The following GABRD variants were observed in gnomAD, a reference collection of about 807,000 sequenced individuals.
GABRD encodes the protein gamma-aminobutyric acid type A receptor subunit delta.
In GABRD, 25 loss-of-function variants were observed where a neutral mutation model predicts 47.3. The observed-to-expected ratio is 0.53, with a 90% CI of 0.39 to 0.74. The LOEUF (loss-of-function observed/expected upper bound fraction) is 0.74, where lower values mean the gene tolerates loss of function less well. Among genes scored for constraint, GABRD ranks in the 30% least tolerant of loss-of-function variants. GABRD has a pLI of 0.00. For missense variants in GABRD, 497 were observed against 643.4 expected (o/e 0.77, Z 2.46); for synonymous variants, 314 against 278.8 (o/e 1.13, Z -1.26).
At chr1:2,029,392 C>A in intron 7 of GABRD, 126 bp downstream of exon 7, 1 of 1,418,960 alleles carries the variant, frequency 7.0e-7, no homozygotes, top group South Asian at 1.3e-5. Context: ...GGGCAGTGGC[C>A]AGCCGGGCCA....
At chr1:2,020,184 C>T (rs1658736460) in intron 1 of GABRD, among the ~76,000 whole-genome samples, 1 of 152,338 alleles carries the variant, frequency 6.6e-6, no homozygotes, top group African/African-American at 2.4e-5. Flanking sequence ...GGGGCTGGAG[C>T]CCCCTCTGGC....
intron 2 of GABRD, 35 bp from the exon 3 acceptor site, chr1:2,025,299 C>T (rs758902650): frequency 6.2e-7 from 1 of 1,611,904 alleles, no homozygotes; most frequent in Admixed American, 1.7e-5. Context: ...GCTGGGCCGG[C>T]CTCAGTCCTT....
intron 4 of GABRD, 61 bp downstream of exon 4, chr1:2,025,799 T>G (rs1658908170): frequency 6.7e-7 from 1 of 1,484,176 alleles, no homozygotes; most frequent in Non-Finnish European, 9.3e-7. Flanking sequence ...CGTCGGCGCC[T>G]GGACGCTCCA....
intron 4 of GABRD, among the ~76,000 whole-genome samples, chr1:2,026,303 G>T (rs115780100): frequency 6.6e-6 from 1 of 152,174 alleles, no homozygotes; most frequent in Non-Finnish European, 1.5e-5. Flanking sequence ...CGTCCTCACG[G>T]TTCATCCCAG....
chr1:2,019,624 C>T (rs1658719670), intron 1 of GABRD, 133 bp downstream of exon 1: 1 of 410,860 alleles, frequency 2.4e-6, no homozygotes, highest in Non-Finnish European at 3.4e-6. Flanking sequence ...CCCGCGTCCT[C>T]CCTCCCCGGG....
rs548900032 is a variant in GABRD, at chr1:2,028,345, C to T, written c.691+53C>T. The T allele has an allele frequency of 4.8e-4, 717 of 1,504,974 alleles. 6 individuals carry two copies. In the African/African-American group the frequency reaches 8.6e-3, roughly 18 times the overall value. 93.2% of individuals were successfully genotyped at this position (1,504,974 alleles called of 1,614,324 possible). On this transcript the variant is annotated intron_variant, in intron 6 of 8. Transcript: ENST00000378585. This position sits in a 1 kb window ranked among gnomAD's most constrained non-coding sequence, Gnocchi z 6.4. Reference sequence around the variant, plus strand: ...ATGTGCCCGCCGCCCCTTCCGCGCGCGCCCACCGCCCCTTCCGCGCGCGCC... The same window carrying T: ...ATGTGCCCGCCGCCCCTTCCGCGCGTGCCCACCGCCCCTTCCGCGCGCGCC...
intron 4 of GABRD, among the ~76,000 whole-genome samples, chr1:2,026,278 C>T (rs758595352): frequency 2.6e-5 from 4 of 152,192 alleles, no homozygotes; most frequent in Non-Finnish European, 5.9e-5. Flanking sequence ...ACTCCGGCTT[C>T]GTTACTCAGC....
At position 2,027,449 on chromosome 1, in the gene GABRD, A is replaced by G. The variant is rs914911532; in HGVS notation, c.471-128A>G. 2.6e-5 allele frequency: 20 copies of G among 756,794 alleles called. No individual in the cohort carries two copies. The African/African-American group carries it at 3.4e-4, about 13-fold the overall frequency. The allele number at this position is 756,794 out of a possible 1,614,324, so 46.9% of individuals were successfully genotyped here. A position where few individuals can be genotyped will look rare whatever the true frequency, so the allele number is the denominator to read the frequency against. On this transcript the variant is annotated intron_variant, in intron 4 of 8. Coordinates refer to ENST00000378585, the MANE Select transcript of GABRD (RefSeq NM_000815.5). ...TTCCAGGTTTACCTGGATTCTGGGC[A>G]AACACAGTCTGAGAAGTAGCTGGGG...
chr1:2,021,149 C>T (rs1658759742), intron 1 of GABRD, among the ~76,000 whole-genome samples: 1 of 152,334 alleles, frequency 6.6e-6, no homozygotes, highest in East Asian at 1.9e-4. Flanking sequence ...GGACACCTTG[C>T]CTGGTGAGAG....
chr1:2,020,796 C>G (rs1658752137), intron 1 of GABRD, among the ~76,000 whole-genome samples: 1 of 152,350 alleles, frequency 6.6e-6, no homozygotes, highest in African/African-American at 2.4e-5. Flanking sequence ...AAAGTTTTAG[C>G]CCAAGTTCGA....
rs1382541883 is a variant in GABRD at position 2,025,348 on chromosome 1, G to C, written c.196G>C (p.Val66Leu). The C allele has an allele frequency of 6.2e-7, 1 of 1,613,066 alleles. No individual in the cohort carries two copies. The highest frequency in any genetic ancestry group is 8.5e-7 in the Non-Finnish European group (1 of 1,180,000). Residue 66 changes from valine to leucine, a missense_variant, in exon 3 of 9, where the codon GTG (valine) becomes CTG (leucine). By Grantham distance (32) the Val-to-Leu change is conservative (BLOSUM62 1). Transcript: ENST00000378585. ...TTTCCTTGCAGGCCCCCCCGTGAAT[G>C]TGGCCCTTGCCCTGGAGGTGGCCAG... ...RPGIGGPPVNVALALEVASID... is the reference protein window; with the variant it reads ...RPGIGGPPVNLALALEVASID...
Position 2,025,479 on chromosome 1 carries a change from G to A in GABRD, c.250-39G>A, listed in dbSNP as rs755729863. The A allele has an allele frequency of 5.0e-6, 8 of 1,610,828 alleles. No homozygotes were observed. In the South Asian group the frequency reaches 7.7e-5, roughly 15 times the overall value. On this transcript the variant is annotated intron_variant, in intron 3 of 8. Coordinates refer to ENST00000378585, the MANE Select transcript of GABRD (RefSeq NM_000815.5). Reference sequence around the variant, plus strand: ...CCTGGGCTGCATGCCCCTGGGGGTGGAGCAAGGCTGACCCCCGGCCCCTGT... The same window carrying A: ...CCTGGGCTGCATGCCCCTGGGGGTGAAGCAAGGCTGACCCCCGGCCCCTGT...
At chr1:2,019,964 G>T (rs552168868) in intron 1 of GABRD, among the ~76,000 whole-genome samples, 2 of 152,224 alleles carry the variant, frequency 1.3e-5, no homozygotes, top group Non-Finnish European at 2.9e-5. Context: ...GGTCTGGGAC[G>T]GACGGAGGAG....
Position 2,028,102 on chromosome 1 carries a change from G to A in GABRD, c.554-53G>A, listed in dbSNP as rs1658978274. On this transcript the variant is annotated intron_variant, in intron 5 of 8. Coordinates refer to ENST00000378585, the MANE Select transcript of GABRD (RefSeq NM_000815.5). The surrounding 1 kb of genome is among the most constrained non-coding windows in gnomAD (Gnocchi z 6.4). ...TGTGTGGACGGAGCGCTCCTGCCAGGGCTCCCGGGGCAGGGCCGGGCTCTG... is the reference window on the plus strand; with the variant it reads ...TGTGTGGACGGAGCGCTCCTGCCAGAGCTCCCGGGGCAGGGCCGGGCTCTG... 1.3e-6 allele frequency: 2 copies of A among 1,579,158 alleles called. No individual in the cohort carries two copies. Among genetic ancestry groups the A allele is most frequent in the Non-Finnish European group, 1.7e-6 (2 of 1,158,742 alleles).
intron 4 of GABRD, chr1:2,027,310 C>T (rs1194525486): frequency 1.9e-6 from 1 of 518,264 alleles, no homozygotes; most frequent in Non-Finnish European, 3.5e-6. Context: ...AAGGCTGTCC[C>T]CTGCCCCGTA....
chr1:2,019,446 T>C lies in GABRD; in HGVS notation c.23T>C (p.Leu8Pro). 9.3e-7 allele frequency: 1 copy of C among 1,076,668 alleles called. No individual in the cohort carries two copies. The highest frequency in any genetic ancestry group is 1.1e-6 in the Non-Finnish European group (1 of 892,770). The allele number at this position is 1,076,668 out of a possible 1,614,324, so 66.7% of individuals were successfully genotyped here. MDAPARLLAPLLLLCAQQ... is the reference protein window; with the variant it reads MDAPARLPAPLLLLCAQQ... Reference sequence around the variant, plus strand: ...GCCATGGACGCGCCCGCCCGGCTGCTGGCCCCGCTCCTGCTCCTCTGCGCG... The same window carrying C: ...GCCATGGACGCGCCCGCCCGGCTGCCGGCCCCGCTCCTGCTCCTCTGCGCG... Residue 8 changes from leucine to proline, a missense_variant, in exon 1 of 9, where the codon CTG becomes CCG. By Grantham distance (98) the Leu-to-Pro change is moderately conservative (BLOSUM62 -3). Coordinates refer to ENST00000378585, the MANE Select transcript of GABRD (RefSeq NM_000815.5).
chr1:2,025,740 T>C lies in GABRD; in HGVS notation c.470+2T>C. 1 of 1,610,386 alleles carries C rather than the reference T, an allele frequency of 6.2e-7. No homozygotes were observed. Among genetic ancestry groups the C allele is most frequent in the Non-Finnish European group, 8.5e-7 (1 of 1,178,026 alleles). ...CGGCGTGATCCTGTACAGCATCCGG[T>C]GAGCGGGCTGCCCACCCGGACTCCG... On this transcript the variant is annotated splice_donor_variant, in intron 4 of 8. Coordinates refer to ENST00000378585, the MANE Select transcript of GABRD (RefSeq NM_000815.5). LOFTEE classifies it high-confidence loss of function.
At chr1:2,019,573 G>A in intron 1 of GABRD, 82 bp downstream of exon 1, 1 of 854,032 alleles carries the variant, frequency 1.2e-6, no homozygotes, top group East Asian at 6.3e-5. Flanking sequence ...TGGGAGAGCG[G>A]CCGGCGCGAG....
rs1466800789 is a variant in GABRD at position 2,029,699 on chromosome 1, T to C, written c.996T>C (p.His332=). The C allele has an allele frequency of 6.2e-7, 1 of 1,613,376 alleles. No homozygotes were observed. Among genetic ancestry groups the C allele is most frequent in the African/African-American group, 1.3e-5 (1 of 74,942 alleles). The change falls in exon 8 of 9, where the codon CAT becomes CAC. Residue 332 remains histidine, a synonymous_variant. Transcript: ENST00000378585. ...CCCTGGTGGAGTACGCCTTTGCTCA[T>C]TTCAACGCCGACTACAGGAAGAAGC... ...FAALVEYAFA[H]FNADYRKKQK... is the part of the protein sequence containing the mutation.
Sources: allele counts gnomAD v4.1 joint callset (sites outside exome capture counted in the v4.1 genomes callset), GRCh38; gene constraint gnomAD v4.1.1; non-coding constraint Gnocchi (gnomAD v3.1); transcripts MANE v1.5; gene names NCBI Gene and HGNC (gene_info 2026-07-23, HGNC 2026-07-21).